Variants in DNAJC17 observed in about 807,000 individuals in gnomAD.
DNAJC17 encodes the protein DnaJ heat shock protein family (Hsp40) member C17, also known as dnaJ homolog subfamily C member 17.
Under a neutral mutation model 48.1 loss-of-function variants are expected in DNAJC17, and 35 were observed. That is an observed-to-expected ratio of 0.73 (90% CI 0.56 to 0.96). The LOEUF (loss-of-function observed/expected upper bound fraction) is 0.96. Among genes scored for constraint, DNAJC17 ranks in the 50% least tolerant of loss-of-function variants. The pLI is 0.00. For missense variants in DNAJC17, 355 were observed against 377.1 expected, an observed-to-expected ratio of 0.94 and a Z score of 0.48; for synonymous variants, 117 against 142.7, an observed-to-expected ratio of 0.82 and a Z score of 1.28.
Position 40,767,323 on chromosome 15 carries a change from C to G in DNAJC17, c.*617G>C. 1 of 1,603,428 alleles carries G rather than the reference C, an allele frequency of 6.2e-7. No homozygotes were observed. Among genetic ancestry groups the G allele is most frequent in the Non-Finnish European group, 8.5e-7 (1 of 1,175,326 alleles). The stretch of plus-strand genomic sequence containing the variant: ...GAGCATGACGGGGGTGGGCCAGACG[C>G]TGGTGTGGTGTCTGCACAAGGAGTG... On this transcript the variant is annotated 3_prime_UTR_variant, in exon 11 of 11. Transcript: ENST00000220496.
At chr15:40,789,320 G>C (rs776530434) in intron 1 of DNAJC17, among the ~76,000 whole-genome samples, 1 of 144,352 alleles carries the variant, frequency 6.9e-6, no homozygotes, top group Non-Finnish European at 1.5e-5. Context: ...CCATCCCCCC[G>C]GATCTCATCT....
intron 1 of DNAJC17, among the ~76,000 whole-genome samples, chr15:40,803,308 T>C (rs1596103558): frequency 6.6e-6 from 1 of 152,210 alleles, no homozygotes; most frequent in East Asian, 1.9e-4. Context: ...GTCCTCTAGG[T>C]TGCCCTATGG....
At chr15:40,768,294 T>C (rs1214154186) in intron 10 of DNAJC17, among the ~76,000 whole-genome samples, 1 of 151,904 alleles carries the variant, frequency 6.6e-6, no homozygotes, top group Non-Finnish European at 1.5e-5. Flanking sequence ...CCCCTCCCTT[T>C]CCCCAGGCCG....
At position 40,797,187 on chromosome 15, in the gene DNAJC17, T is replaced by C. The variant is rs145448265; in HGVS notation, c.78+10182A>G. Reference sequence around the variant, plus strand: ...GAGTTTGAGACCAGTCTGGGCAACATAGCAAAACCCCATCTCTACAAAAAA... The same window carrying C: ...GAGTTTGAGACCAGTCTGGGCAACACAGCAAAACCCCATCTCTACAAAAAA... On this transcript the variant is annotated intron_variant, in intron 1 of 10. Coordinates refer to ENST00000220496, the MANE Select transcript of DNAJC17 (RefSeq NM_018163.3). 4.9e-4 allele frequency among the ~76,000 whole-genome samples: 74 copies of C among 152,256 alleles called. No individual in the cohort carries two copies. In the East Asian group the frequency reaches 0.013, roughly 28 times the overall value.
At chr15:40,768,679 G>T (rs763814130) in intron 10 of DNAJC17, among the ~76,000 whole-genome samples, 2 of 152,224 alleles carry the variant, frequency 1.3e-5, no homozygotes, top group Non-Finnish European at 1.5e-5. Context: ...ATAATCAAAA[G>T]AATAATAAAC....
Position 40,770,831 on chromosome 15 carries a change from G to A in DNAJC17, c.793-2769C>T, listed in dbSNP as rs1167803761. 1.9e-6 allele frequency: 3 copies of A among 1,551,040 alleles called. No individual in the cohort carries two copies. The highest frequency in any genetic ancestry group is 1.4e-5 in the African/African-American group (1 of 73,000). ...CAGCCTACTCTGCCACCCTGCCATC[G>A]GCGCTCTCTCTGTCGAGTGCCCTCC... On this transcript the variant is annotated intron_variant, in intron 10 of 10. Coordinates refer to ENST00000220496, the MANE Select transcript of DNAJC17 (RefSeq NM_018163.3). This position sits in a 1 kb window ranked among gnomAD's most constrained non-coding sequence, Gnocchi z 5.0.
chr15:40,775,220 C>A (rs1337322246), intron 7 of DNAJC17, 112 bp from the exon 8 acceptor site: 1 of 1,204,744 alleles, frequency 8.3e-7, no homozygotes, highest in Non-Finnish European at 1.2e-6. Flanking sequence ...CTCCAAGGCT[C>A]CTGCAATCTG....
At chr15:40,778,900 C>T (rs1345317981) in intron 4 of DNAJC17, among the ~76,000 whole-genome samples, 1 of 152,152 alleles carries the variant, frequency 6.6e-6, no homozygotes, top group Non-Finnish European at 1.5e-5. Context: ...TGCCACTGCG[C>T]TCCAGCCTAG....
intron 1 of DNAJC17, among the ~76,000 whole-genome samples, chr15:40,798,900 C>T (rs768046179): frequency 2.0e-5 from 3 of 152,108 alleles, no homozygotes; most frequent in Non-Finnish European, 4.4e-5. Context: ...CGTGGTGCCC[C>T]GCCTTGTGAG....
intron 5 of DNAJC17, 58 bp downstream of exon 5, chr15:40,776,484 C>A: frequency 6.3e-7 from 1 of 1,594,798 alleles, no homozygotes; most frequent in Non-Finnish European, 8.6e-7. Flanking sequence ...CCAGGTCCAT[C>A]CTCCCCCACC....
chr15:40,767,394 T>A lies in DNAJC17; in HGVS notation c.*546A>T. ...AGACGGGGCACCCCTGTGGAGGGGC[T>A]GCTGTGGGCCCTGACCTCCAAGCTC... On this transcript the variant is annotated 3_prime_UTR_variant, in exon 11 of 11. Transcript: ENST00000220496. 1 of 1,553,900 alleles carries A rather than the reference T, an allele frequency of 6.4e-7. No homozygotes were observed. The highest frequency in any genetic ancestry group is 8.7e-7 in the Non-Finnish European group (1 of 1,151,268).
chr15:40,801,712 T>C (rs1596102208), intron 1 of DNAJC17, among the ~76,000 whole-genome samples: 2 of 130,428 alleles, frequency 1.5e-5, no homozygotes, highest in African/African-American at 6.0e-5. Flanking sequence ...CACTCCAGCC[T>C]GGGTGACAGA....
chr15:40,773,107 C>G (rs75844322), intron 10 of DNAJC17, among the ~76,000 whole-genome samples: 1 of 151,916 alleles, frequency 6.6e-6, no homozygotes, highest in South Asian at 2.1e-4. Flanking sequence ...ATTACAGGTG[C>G]GCACCATCAT....
intron 2 of DNAJC17, 48 bp downstream of exon 2, chr15:40,779,880 C>T: frequency 6.3e-7 from 1 of 1,583,446 alleles, no homozygotes; most frequent in East Asian, 2.2e-5. Context: ...AAACACAATG[C>T]CCGGGTGAGT....
chr15:40,801,317 G>A (rs921026636), intron 1 of DNAJC17, among the ~76,000 whole-genome samples: 2 of 152,142 alleles, frequency 1.3e-5, no homozygotes, highest in Admixed American at 6.6e-5. Context: ...AGAAAAACCA[G>A]CTGCCATGAA....
At chr15:40,773,904 C>A (rs1889237822) in intron 9 of DNAJC17, 67 bp from the exon 10 acceptor site, 9 of 1,384,318 alleles carry the variant, frequency 6.5e-6, no homozygotes, top group Admixed American at 2.1e-5. Flanking sequence ...CTCTCTACCC[C>A]CACAGAGAGA....
chr15:40,776,185 T>C lies in DNAJC17; in HGVS notation c.478+11A>G. On this transcript the variant is annotated intron_variant, in intron 6 of 10. Coordinates refer to ENST00000220496, the MANE Select transcript of DNAJC17 (RefSeq NM_018163.3). ...CTTGGAGGGGAGATAGGCGGGGTGA[T>C]AGACCTGCACCTCTCAACCTCTGGT... 3 of 1,612,356 alleles carry C rather than the reference T, an allele frequency of 1.9e-6. No homozygotes were observed. The highest frequency in any genetic ancestry group is 2.2e-5 in the South Asian group (2 of 90,966).
chr15:40,793,337 T>C (rs1390653170), intron 1 of DNAJC17, among the ~76,000 whole-genome samples: 1 of 152,154 alleles, frequency 6.6e-6, no homozygotes, highest in East Asian at 1.9e-4. Flanking sequence ...TCATTGCACC[T>C]CAGCGTTCAC....
chr15:40,795,294 AG>A (rs1889918304), intron 1 of DNAJC17, among the ~76,000 whole-genome samples: 1 of 104,854 alleles, frequency 9.5e-6, no homozygotes. Flanking sequence ...GATGGAAGGG[AG>A]GGGGGAGGGA....
Sources: allele counts gnomAD v4.1 joint callset (sites outside exome capture counted in the v4.1 genomes callset), GRCh38; gene constraint gnomAD v4.1.1; non-coding constraint Gnocchi (gnomAD v3.1); transcripts MANE v1.5; gene names NCBI Gene and HGNC (gene_info 2026-07-23, HGNC 2026-07-21).